The following CFAP20DC variants were observed in gnomAD, a reference collection of about 807,000 sequenced individuals.
The protein encoded by CFAP20DC is CFAP20 domain containing.
A neutral mutation model predicts 101.7 loss-of-function variants in CFAP20DC; 84 were observed. The observed-to-expected ratio is 0.83, with a 90% CI of 0.69 to 0.99. CFAP20DC has a LOEUF of 0.99. Among genes scored for constraint, CFAP20DC ranks in the 50% least tolerant of loss-of-function variants. The probability of loss-of-function intolerance (pLI) is 0.00; values close to 1 mark genes in which losing one functional copy is unlikely to be tolerated. For missense variants in CFAP20DC, 1,007 were observed against 970.3 expected (o/e 1.04, Z -0.50); for synonymous variants, 359 against 351.2 (o/e 1.02, Z -0.25).
At chr3:59,023,012 T>C (rs2093830019) in intron 4 of CFAP20DC, among the ~76,000 whole-genome samples, 1 of 152,130 alleles carries the variant, frequency 6.6e-6, no homozygotes. Flanking sequence ...AGTAGAGGTG[T>C]GGTGGAGAGA....
chr3:58,982,707 T>G (rs1576588589), intron 4 of CFAP20DC, among the ~76,000 whole-genome samples: 1 of 85,856 alleles, frequency 1.2e-5, no homozygotes, highest in Non-Finnish European at 2.1e-5. Flanking sequence ...GAGACTGTTG[T>G]GGGGTGGGGG....
At chr3:58,821,460 C>T (rs1014934664) in intron 14 of CFAP20DC, among the ~76,000 whole-genome samples, 2 of 151,416 alleles carry the variant, frequency 1.3e-5, no homozygotes, top group Non-Finnish European at 3.0e-5. Flanking sequence ...AAAAAACAAA[C>T]AACCCCATCA....
At chr3:58,843,227 G>A (rs980482712) in intron 13 of CFAP20DC, among the ~76,000 whole-genome samples, 8 of 152,058 alleles carry the variant, frequency 5.3e-5, no homozygotes, top group East Asian at 1.9e-4. Context: ...GCTACGGGAG[G>A]ACATTCAAAC....
chr3:58,980,692 G>C (rs962965437), intron 4 of CFAP20DC, among the ~76,000 whole-genome samples: 2 of 152,160 alleles, frequency 1.3e-5, no homozygotes, highest in African/African-American at 4.8e-5. Flanking sequence ...ATTAGGTATT[G>C]ATGGGATGTA....
At chr3:58,764,250 C>T (rs114069512) in intron 15 of CFAP20DC, among the ~76,000 whole-genome samples, 3,835 of 152,264 alleles carry the variant, frequency 0.025, 164 homozygotes, top group African/African-American at 0.086. Context: ...CGCCCCTCCT[C>T]CAGCCTTGCT....
At chr3:58,939,777 T>G (rs2088261218) in intron 4 of CFAP20DC, among the ~76,000 whole-genome samples, 1 of 144,844 alleles carries the variant, frequency 6.9e-6, no homozygotes, top group South Asian at 2.3e-4. Flanking sequence ...TTTTTTTTTT[T>G]TTTTTTGAGA....
At position 58,884,547 on chromosome 3, in the gene CFAP20DC, G is replaced by T; in HGVS notation, c.713C>A (p.Ser238Ter). ...AATTTAGGTGCCTGAGTGTCTACCTGATTCTGCTGATCTTAGAGGATGGCC... is the reference window on the plus strand; with the variant it reads ...AATTTAGGTGCCTGAGTGTCTACCTTATTCTGCTGATCTTAGAGGATGGCC... ...FGGHPLRSAESDQFINRGTSI... is the reference protein window; with the variant it reads ...FGGHPLRSAE The change falls in exon 7 of 17, where the codon TCA becomes TAA. Residue 238 changes from serine to a stop codon, truncating the protein, a stop_gained and splice_region_variant. Transcript: ENST00000482387. LOFTEE classifies it high-confidence loss of function. The T allele has an allele frequency of 6.2e-7, 1 of 1,613,790 alleles. No individual in the cohort carries two copies. The highest frequency in any genetic ancestry group is 8.5e-7 in the Non-Finnish European group (1 of 1,179,734).
At chr3:58,926,184 G>A (rs145888948) in intron 5 of CFAP20DC, among the ~76,000 whole-genome samples, 235 of 152,080 alleles carry the variant, frequency 1.5e-3, no homozygotes, top group African/African-American at 5.4e-3. Flanking sequence ...TGCCCAACAT[G>A]GTGAAACCCT....
At position 59,008,869 on chromosome 3, in the gene CFAP20DC, A is replaced by G. The variant is rs1442109533; in HGVS notation, c.278+30688T>C. ...AAAACTTAAAGTATAATAATAATAA[A>G]ATTTAAAAAAAAAGTGAGAAAACAG... On this transcript the variant is annotated intron_variant, in intron 4 of 16. Coordinates refer to ENST00000482387, the MANE Select transcript of CFAP20DC (RefSeq NM_001394063.1). 2.6e-5 allele frequency among the ~76,000 whole-genome samples: 4 copies of G among 152,224 alleles called. No homozygotes were observed. The East Asian group carries it at 7.7e-4, about 29-fold the overall frequency.
At chr3:58,764,467 T>C (rs1313648255) in intron 15 of CFAP20DC, among the ~76,000 whole-genome samples, 1 of 152,198 alleles carries the variant, frequency 6.6e-6, no homozygotes, top group Non-Finnish European at 1.5e-5. Flanking sequence ...GGGAATTCCC[T>C]GACCCCTTGC....
intron 14 of CFAP20DC, 82 bp downstream of exon 14, chr3:58,831,604 T>C: frequency 8.0e-7 from 1 of 1,246,972 alleles, no homozygotes. Flanking sequence ...GTCCTGGCTT[T>C]TCCAGGCAAA....
At chr3:58,925,191 A>G (rs551995360) in intron 5 of CFAP20DC, among the ~76,000 whole-genome samples, 1 of 151,772 alleles carries the variant, frequency 6.6e-6, no homozygotes, top group South Asian at 2.1e-4. Context: ...TTTTGTTTTT[A>G]TCCTATGCTG....
Position 58,987,712 on chromosome 3 carries a change from C to G in CFAP20DC, c.279-49950G>C, listed in dbSNP as rs192178073. Among the ~76,000 whole-genome samples, 3 of 151,874 alleles carry G rather than the reference C, an allele frequency of 2.0e-5. No individual in the cohort carries two copies. The East Asian group carries it at 5.8e-4, about 29-fold the overall frequency. On this transcript the variant is annotated intron_variant, in intron 4 of 16. Coordinates refer to ENST00000482387, the MANE Select transcript of CFAP20DC (RefSeq NM_001394063.1). ...AAACTCTCACATAACTCTTATAACT[C>G]TATACTATTAAACTGGAAACAAAAT...
rs370260469 is a variant in CFAP20DC, at chr3:58,729,746, G to A, written c.198-12118C>T. Among the ~76,000 whole-genome samples the A allele has an allele frequency of 2.6e-4, 40 of 152,222 alleles. No individual in the cohort carries two copies. The highest frequency in any genetic ancestry group is 9.2e-4 in the African/African-American group (38 of 41,516). On this transcript the variant is annotated intron_variant, in intron 3 of 3. Coordinates refer to the CFAP20DC transcript ENST00000486145. The surrounding 1 kb of genome is among the most constrained non-coding windows in gnomAD (Gnocchi z 4.4). ...ATTATTGAAAGTTGAGGCTGGGATCGGTGGCTCATGCCTGTAATTCCTAGC... is the reference window on the plus strand; with the variant it reads ...ATTATTGAAAGTTGAGGCTGGGATCAGTGGCTCATGCCTGTAATTCCTAGC...
In CFAP20DC at chr3:58,834,935, T is replaced by C. The variant is rs1240771634; in HGVS notation, c.1972-3046A>G. ...AAATTGGAATTAAAGTGCTTAGGAT[T>C]AAAAAAACAAACTTGTTTTCAATTT... On this transcript the variant is annotated intron_variant, in intron 13 of 16. Coordinates refer to ENST00000482387, the MANE Select transcript of CFAP20DC (RefSeq NM_001394063.1). Among the ~76,000 whole-genome samples the C allele has an allele frequency of 2.0e-5, 3 of 152,230 alleles. No homozygotes were observed. In the East Asian group the frequency reaches 5.8e-4, roughly 29 times the overall value.
At chr3:58,833,744 A>G (rs1037656075) in intron 13 of CFAP20DC, among the ~76,000 whole-genome samples, 9 of 152,210 alleles carry the variant, frequency 5.9e-5, no homozygotes, top group African/African-American at 2.2e-4. Context: ...AACTGAAAAC[A>G]TATGTTCACA....
At chr3:58,743,514 G>C (rs2067996740) in intron 16 of CFAP20DC, among the ~76,000 whole-genome samples, 1 of 152,144 alleles carries the variant, frequency 6.6e-6, no homozygotes, top group Admixed American at 6.5e-5. Flanking sequence ...GGCTATTAAA[G>C]ACCGAAACCA....
At chr3:58,719,712 G>A (rs1266746719) in intron 3 of CFAP20DC, among the ~76,000 whole-genome samples, 1 of 152,206 alleles carries the variant, frequency 6.6e-6, no homozygotes, top group Non-Finnish European at 1.5e-5. Flanking sequence ...CAGTGGTTTG[G>A]CTTCTCTCTT....
At chr3:58,921,689 A>G (rs954776639) in intron 5 of CFAP20DC, among the ~76,000 whole-genome samples, 1 of 152,214 alleles carries the variant, frequency 6.6e-6, no homozygotes, top group African/African-American at 2.4e-5. Context: ...CTTGAAAATT[A>G]TGTGTATTCT....
Sources: gnomAD v4.1 joint callset for allele counts (sites outside exome capture counted in the v4.1 genomes callset) on GRCh38, gnomAD v4.1.1 for gene constraint, Gnocchi (gnomAD v3.1) non-coding constraint, MANE v1.5 for transcripts, NCBI Gene and HGNC (gene_info 2026-07-23, HGNC 2026-07-21) for gene names.